Variants in SCP2 observed in about 807,000 individuals in gnomAD.
The protein encoded by SCP2 is SCP-2/3-oxoacyl-CoA thiolase.
Under a neutral mutation model 71.4 loss-of-function variants are expected in SCP2, and 48 were observed. The ratio of observed to expected loss-of-function variants is 0.67; its 90% CI spans 0.53 to 0.86. The LOEUF (loss-of-function observed/expected upper bound fraction) is 0.86. Among genes scored for constraint, SCP2 ranks in the 40% least tolerant of loss-of-function variants. The pLI, the probability that SCP2 is intolerant of heterozygous loss-of-function variation, is 0.00. For synonymous variants in SCP2, 220 were observed against 218.1 expected (o/e 1.01, Z -0.08); for missense variants, 560 against 655.6 (o/e 0.85, Z 1.59).
intron 14 of SCP2, 97 bp from the exon 15 acceptor site, chr1:53,047,761 G>T (rs781096585): frequency 1.2e-6 from 1 of 828,070 alleles, no homozygotes; most frequent in African/African-American, 1.7e-5. Context: ...CTCAGTGCTG[G>T]TTATAATTCT....
At chr1:52,942,068 G>T (rs1036791377) in intron 2 of SCP2, among the ~76,000 whole-genome samples, 1 of 152,210 alleles carries the variant, frequency 6.6e-6, no homozygotes, top group Non-Finnish European at 1.5e-5. Context: ...ACAATTTTAT[G>T]TGCTATCCAA....
intron 5 of SCP2, among the ~76,000 whole-genome samples, chr1:52,955,873 G>C (rs1026690338): frequency 2.6e-5 from 4 of 151,844 alleles, no homozygotes; most frequent in Admixed American, 2.0e-4. Flanking sequence ...AGATTTATTG[G>C]ATGCAGATTT....
intron 14 of SCP2, among the ~76,000 whole-genome samples, chr1:53,046,574 A>G (rs778806630): frequency 2.0e-5 from 3 of 151,754 alleles, no homozygotes; most frequent in Non-Finnish European, 4.4e-5. Context: ...CCTGTAATCC[A>G]CTGTACCTTA....
At chr1:53,047,469 T>C (rs905614574) in intron 14 of SCP2, among the ~76,000 whole-genome samples, 1 of 152,228 alleles carries the variant, frequency 6.6e-6, no homozygotes, top group Non-Finnish European at 1.5e-5. Flanking sequence ...TATGTTTATA[T>C]AGTTGAATTC....
intron 4 of SCP2, among the ~76,000 whole-genome samples, chr1:52,951,654 G>A (rs1357325188): frequency 2.0e-5 from 3 of 150,814 alleles, no homozygotes; most frequent in African/African-American, 7.3e-5. Context: ...CCTTTTTAAA[G>A]TGTACGATTC....
chr1:52,954,066 C>T (rs761412529), intron 4 of SCP2, among the ~76,000 whole-genome samples: 1 of 150,550 alleles, frequency 6.6e-6, no homozygotes, highest in Non-Finnish European at 1.5e-5. Flanking sequence ...AATCCTAGCA[C>T]TTGGGAGGTC....
chr1:52,992,797 A>C (rs1224806516), intron 11 of SCP2, among the ~76,000 whole-genome samples: 1 of 152,034 alleles, frequency 6.6e-6, no homozygotes, highest in Admixed American at 6.6e-5. Context: ...CATTAAAAAA[A>C]CCCTATATTT....
intron 6 of SCP2, among the ~76,000 whole-genome samples, chr1:52,972,216 C>G (rs1196632165): frequency 6.6e-6 from 1 of 151,956 alleles, no homozygotes; most frequent in Non-Finnish European, 1.5e-5. Flanking sequence ...TAGAACCAGC[C>G]GAGTTTGTGG....
intron 5 of SCP2, among the ~76,000 whole-genome samples, chr1:52,960,512 G>GTGTATA (rs1656260401): frequency 7.3e-6 from 1 of 137,170 alleles, no homozygotes; most frequent in African/African-American, 2.8e-5. Flanking sequence ...GTGTGTGTGT[G>GTGTATA]TGTGTGTATA....
chr1:52,949,610 T>C (rs1355918482), intron 3 of SCP2, among the ~76,000 whole-genome samples: 2 of 152,142 alleles, frequency 1.3e-5, no homozygotes, highest in African/African-American at 4.8e-5. Context: ...CCTGATTGGC[T>C]AGCAACTTAG....
At chr1:53,004,584 C>T (rs778095413) in intron 11 of SCP2, among the ~76,000 whole-genome samples, 21 of 152,142 alleles carry the variant, frequency 1.4e-4, no homozygotes, top group Non-Finnish European at 1.6e-4. Context: ...CCCACCCTTG[C>T]GATAATGTAT....
At chr1:52,983,133 T>C (rs994115408) in intron 10 of SCP2, among the ~76,000 whole-genome samples, 1 of 152,194 alleles carries the variant, frequency 6.6e-6, no homozygotes, top group Non-Finnish European at 1.5e-5. Flanking sequence ...GGTTGACAGG[T>C]CTTTTAGCAC....
Position 52,965,267 on chromosome 1 carries a change from C to T in SCP2, c.523+3638C>T, listed in dbSNP as rs74363174. On this transcript the variant is annotated intron_variant, in intron 6 of 15. Transcript: ENST00000371514. ...CCTCCATTTATGCATAGGTTATGTGCATGGGTTTTTTTTGTTTTCTCCATT... is the reference window on the plus strand; with the variant it reads ...CCTCCATTTATGCATAGGTTATGTGTATGGGTTTTTTTTGTTTTCTCCATT... Among the ~76,000 whole-genome samples, 787 of 152,146 alleles carry T rather than the reference C, an allele frequency of 5.2e-3. 3 individuals are homozygous for T. The highest frequency in any genetic ancestry group is 0.018 in the African/African-American group (744 of 41,518).
intron 13 of SCP2, among the ~76,000 whole-genome samples, chr1:53,029,243 G>A (rs1467799924): frequency 6.6e-6 from 1 of 150,716 alleles, no homozygotes; most frequent in African/African-American, 2.4e-5. Context: ...TTTAAACTTA[G>A]AAGAATCTTG....
intron 4 of SCP2, 81 bp downstream of exon 4, chr1:52,950,967 A>G (rs1413934119): frequency 1.1e-5 from 16 of 1,473,736 alleles, no homozygotes; most frequent in South Asian, 5.7e-5. Context: ...GAATTATTTT[A>G]TAATGTATTT....
intron 2 of SCP2, among the ~76,000 whole-genome samples, chr1:52,943,012 C>T (rs1572056801): frequency 1.3e-5 from 2 of 151,776 alleles, no homozygotes; most frequent in African/African-American, 4.8e-5. Flanking sequence ...TAACGGGCTT[C>T]TTTTTATCCC....
chr1:52,967,997 G>A (rs185730327), intron 6 of SCP2, among the ~76,000 whole-genome samples: 5 of 152,214 alleles, frequency 3.3e-5, no homozygotes, highest in East Asian at 1.9e-4. Flanking sequence ...AGTCAGTCAC[G>A]ACCCTCACTC....
At chr1:53,034,255 G>A (rs1354753631) in intron 13 of SCP2, among the ~76,000 whole-genome samples, 1 of 151,762 alleles carries the variant, frequency 6.6e-6, no homozygotes, top group African/African-American at 2.4e-5. Context: ...CAGCCTGGGT[G>A]ACAGAGTGAC....
chr1:52,942,561 T>G lies in SCP2; in HGVS notation c.127+708T>G, dbSNP rs575181883. Among the ~76,000 whole-genome samples, 55 of 152,078 alleles carry G rather than the reference T, an allele frequency of 3.6e-4. 1 individual carries two copies. The highest frequency in any genetic ancestry group is 1.3e-3 in the African/African-American group (53 of 41,498). ...GTTCTTCTTCTCCCCCACCTCTCTT[T>G]TTTTAAAAAAAGGGGACAAGTATGA... On this transcript the variant is annotated intron_variant, in intron 2 of 15. Transcript: ENST00000371514.
Sources: gnomAD v4.1 joint callset for allele counts (sites outside exome capture counted in the v4.1 genomes callset) on GRCh38, gnomAD v4.1.1 for gene constraint, MANE v1.5 for transcripts, NCBI Gene and HGNC (gene_info 2026-07-23, HGNC 2026-07-21) for gene names.